Variants in VPS37A observed in about 807,000 individuals in gnomAD.
The protein encoded by VPS37A is vacuolar protein sorting-associated protein 37A.
In VPS37A, 30 loss-of-function variants were observed where a neutral mutation model predicts 49.8. The observed-to-expected ratio is 0.60, with a 90% CI of 0.45 to 0.82. The LOEUF is 0.82. VPS37A is among the 40% of genes least tolerant of loss of function. The pLI, the probability that VPS37A is intolerant of heterozygous loss-of-function variation, is 0.00. For missense variants in VPS37A, 593 were observed against 464.4 expected (o/e 1.28, Z -2.55); for synonymous variants, 195 against 160.6 (o/e 1.21, Z -1.62).
At chr8:17,323,644 G>A in the VPS37A span, among the ~76,000 whole-genome samples, 2 of 152,062 alleles carry the variant, frequency 1.3e-5, no homozygotes, top group Non-Finnish European at 2.9e-5. Context: ...AGCAGAGGCC[G>A]CAGGGGTGGG....
chr8:17,317,040 TATA>T, the VPS37A span, among the ~76,000 whole-genome samples: 1 of 152,232 alleles, frequency 6.6e-6, no homozygotes, highest in African/African-American at 2.4e-5. Context: ...TTGCCAATCT[TATA>T]ATATTTCTCT....
In VPS37A at chr8:17,269,108, T is replaced by C; in HGVS notation, c.416+152T>C. 8.5e-6 allele frequency: 5 copies of C among 587,292 alleles called. No homozygotes were observed. In the South Asian group the frequency reaches 9.4e-5, roughly 11 times the overall value. 36.4% of individuals were successfully genotyped at this position (587,292 alleles called of 1,614,324 possible). On this transcript the variant is annotated intron_variant, in intron 4 of 11. Transcript: ENST00000324849. ...ATACTTTCAGAGGCAACTGTTTTACTCTTTTACCTGTTTCTTCTAATGTTT... is the reference window on the plus strand; with the variant it reads ...ATACTTTCAGAGGCAACTGTTTTACCCTTTTACCTGTTTCTTCTAATGTTT...
chr8:17,247,199 G>T lies in VPS37A; in HGVS notation c.-46G>T. 6.4e-7 allele frequency: 1 copy of T among 1,556,040 alleles called. No individual in the cohort carries two copies. The highest frequency in any genetic ancestry group is 2.4e-5 in the East Asian group (1 of 41,358). On this transcript the variant is annotated 5_prime_UTR_variant, in exon 1 of 12. Coordinates refer to ENST00000324849, the MANE Select transcript of VPS37A (RefSeq NM_152415.3). Reference sequence around the variant, plus strand: ...CCGCCGGGCCGAGCCACTGGGAGAAGCAGGCCAGAGCCTTCCAGGGCCTCC... The same window carrying T: ...CCGCCGGGCCGAGCCACTGGGAGAATCAGGCCAGAGCCTTCCAGGGCCTCC...
chr8:17,247,802 C>A (rs1236046332), intron 1 of VPS37A: 1 of 701,650 alleles, frequency 1.4e-6, no homozygotes, highest in African/African-American at 1.7e-5. Flanking sequence ...ACTGTTGCAA[C>A]ATCAAAGGAA....
downstream of VPS37A, chr8:17,306,035 T>A (rs1184413163): frequency 3.5e-6 from 4 of 1,148,312 alleles, no homozygotes; most frequent in Non-Finnish European, 2.5e-6. Flanking sequence ...AAAACAACCA[T>A]AAAAGCAACC....
chr8:17,328,869 C>T, the VPS37A span, among the ~76,000 whole-genome samples: 4 of 152,122 alleles, frequency 2.6e-5, no homozygotes, highest in African/African-American at 9.7e-5. Context: ...TCTCTCCTTA[C>T]GAAATACAGA....
At chr8:17,318,873 G>C in the VPS37A span, among the ~76,000 whole-genome samples, 2 of 151,894 alleles carry the variant, frequency 1.3e-5, no homozygotes, top group African/African-American at 4.8e-5. Flanking sequence ...CCAGTGACTT[G>C]TCCTCTGCTC....
chr8:17,273,022 CCTTTTTTTT>C (rs1814152618), intron 4 of VPS37A, among the ~76,000 whole-genome samples: 1 of 80,148 alleles, frequency 1.2e-5, no homozygotes, highest in East Asian at 4.1e-4. Flanking sequence ...TTTTGCCCTT[CCTTTTTTTT>C]TTTTTTTTTT....
intron 1 of VPS37A, among the ~76,000 whole-genome samples, chr8:17,263,267 A>G (rs1270119975): frequency 1.3e-5 from 2 of 152,166 alleles, no homozygotes; most frequent in African/African-American, 2.4e-5. Context: ...TTTAATGAGA[A>G]TGAATGTTTT....
chr8:17,319,157 G>A, the VPS37A span, among the ~76,000 whole-genome samples: 2 of 152,216 alleles, frequency 1.3e-5, no homozygotes, highest in Non-Finnish European at 2.9e-5. Flanking sequence ...AAGGGCTTCA[G>A]AGGCAGACAC....
chr8:17,303,638 T>C (rs1317180578), downstream of VPS37A, among the ~76,000 whole-genome samples: 3 of 151,374 alleles, frequency 2.0e-5, no homozygotes, highest in African/African-American at 7.3e-5. Context: ...AGATGGAGTT[T>C]TGCTCTTGTT....
At chr8:17,304,561 G>C, downstream of VPS37A, 1 of 1,586,680 alleles carries the variant, frequency 6.3e-7, no homozygotes. Context: ...CTATTTTGGT[G>C]CTTACACACA....
intron 1 of VPS37A, among the ~76,000 whole-genome samples, chr8:17,265,473 G>T (rs11203837): frequency 0.021 from 3,119 of 151,932 alleles, 48 homozygotes; most frequent in Admixed American, 0.044. Context: ...TGTAGGATGC[G>T]TCTCATCTAG....
At chr8:17,250,392 A>G (rs932824624) in intron 1 of VPS37A, among the ~76,000 whole-genome samples, 3 of 152,298 alleles carry the variant, frequency 2.0e-5, no homozygotes, top group South Asian at 2.1e-4. Flanking sequence ...GTTATTCTAA[A>G]GGTGTGGTGT....
chr8:17,271,489 C>G (rs1347719963), intron 4 of VPS37A, among the ~76,000 whole-genome samples: 2 of 152,160 alleles, frequency 1.3e-5, no homozygotes, highest in East Asian at 3.9e-4. Flanking sequence ...ACCTGTAGTC[C>G]CAGCTACTCG....
chr8:17,268,711 C>T (rs1252078590), intron 3 of VPS37A, 145 bp from the exon 4 acceptor site: 10 of 644,870 alleles, frequency 1.6e-5, no homozygotes, highest in Non-Finnish European at 2.4e-5. Flanking sequence ...TAAGAAAATG[C>T]TATAACTTGT....
At chr8:17,304,640 T>C, downstream of VPS37A, 1 of 984,838 alleles carries the variant, frequency 1.0e-6, no homozygotes, top group Non-Finnish European at 1.5e-6. Flanking sequence ...GTCTGTTCGA[T>C]AGCAGGTAAA....
the VPS37A span, among the ~76,000 whole-genome samples, chr8:17,328,272 G>T: frequency 6.6e-6 from 1 of 152,130 alleles, no homozygotes; most frequent in Non-Finnish European, 1.5e-5. Context: ...GTGGAGAGAT[G>T]CAAGTAACTC....
downstream of VPS37A, chr8:17,299,941 G>A (rs959655478): frequency 6.2e-7 from 1 of 1,613,982 alleles, no homozygotes; most frequent in Admixed American, 1.7e-5. Flanking sequence ...ACCACCACTT[G>A]GAGACCGACA....
Sources: allele counts gnomAD v4.1 joint callset (sites outside exome capture counted in the v4.1 genomes callset), GRCh38; gene constraint gnomAD v4.1.1; transcripts MANE v1.5; gene names NCBI Gene and HGNC (gene_info 2026-07-23, HGNC 2026-07-21).